The following SDK1 variants were observed in gnomAD, a reference collection of about 807,000 sequenced individuals.
The protein encoded by SDK1 is protein sidekick-1.
SDK1 carries 157 observed loss-of-function variants against 245.5 expected under a neutral mutation model. That is an observed-to-expected ratio of 0.64 (90% CI 0.56 to 0.73). The LOEUF is 0.73. Among genes scored for constraint, SDK1 ranks in the 30% least tolerant of loss-of-function variants. SDK1 has a pLI of 0.00. For synonymous variants in SDK1, 1,647 were observed against 1,278.5 expected (o/e 1.29, Z -6.15); for missense variants, 3,583 against 3,002.3 (o/e 1.19, Z -4.52).
At chr7:3,469,537 A>C (rs1442889121) in intron 1 of SDK1, among the ~76,000 whole-genome samples, 2 of 152,192 alleles carry the variant, frequency 1.3e-5, no homozygotes, top group Non-Finnish European at 2.9e-5. Context: ...AGCTTGTCTA[A>C]ATTGTGACTT....
In SDK1 at chr7:3,500,481, T is replaced by C. The variant is rs185701876; in HGVS notation, c.299-118599T>C. Among the ~76,000 whole-genome samples, 372 of 152,376 alleles carry C rather than the reference T, an allele frequency of 2.4e-3. 3 individuals are homozygous for C. The highest frequency in any genetic ancestry group is 0.018 in the South Asian group (87 of 4,830). Reference sequence around the variant, plus strand: ...TTGAAAGTATTGCTCCATTGACTTCTTGCTTCCAGTGTTGCTGTTGAGAAG... The same window carrying C: ...TTGAAAGTATTGCTCCATTGACTTCCTGCTTCCAGTGTTGCTGTTGAGAAG... On this transcript the variant is annotated intron_variant, in intron 1 of 44. Transcript: ENST00000404826.
chr7:3,649,957 C>T (rs565034197), intron 4 of SDK1, among the ~76,000 whole-genome samples: 2 of 149,364 alleles, frequency 1.3e-5, no homozygotes, highest in Admixed American at 6.7e-5. Context: ...GGGAAGGAAT[C>T]GATTTTATTC....
At chr7:4,056,452 G>A (rs113773710) in intron 19 of SDK1, among the ~76,000 whole-genome samples, 5 of 152,090 alleles carry the variant, frequency 3.3e-5, no homozygotes, top group Non-Finnish European at 5.9e-5. Context: ...GAGAGAAGCT[G>A]GAATTCAATA....
chr7:3,359,250 A>G (rs1183447062), intron 1 of SDK1, among the ~76,000 whole-genome samples: 2 of 152,162 alleles, frequency 1.3e-5, no homozygotes, highest in East Asian at 3.9e-4. Flanking sequence ...AGAATGCAGC[A>G]CACACAGGGA....
At chr7:3,797,208 C>T (rs1464351261) in intron 4 of SDK1, among the ~76,000 whole-genome samples, 2 of 151,916 alleles carry the variant, frequency 1.3e-5, no homozygotes, top group African/African-American at 4.8e-5. Context: ...GTCTCTAACC[C>T]CTAGCTCCAA....
intron 4 of SDK1, among the ~76,000 whole-genome samples, chr7:3,756,487 A>C (rs1779936735): frequency 6.6e-6 from 1 of 151,924 alleles, no homozygotes; most frequent in Admixed American, 6.6e-5. Flanking sequence ...GACTCCTTTC[A>C]CATGGCATTG....
chr7:3,686,971 G>T (rs1210414231), intron 4 of SDK1, among the ~76,000 whole-genome samples: 1 of 151,610 alleles, frequency 6.6e-6, no homozygotes, highest in Non-Finnish European at 1.5e-5. Flanking sequence ...GTTGGGATGG[G>T]AACTTCAACT....
chr7:3,760,975 A>T (rs1780080502), intron 4 of SDK1, among the ~76,000 whole-genome samples: 1 of 152,138 alleles, frequency 6.6e-6, no homozygotes, highest in African/African-American at 2.4e-5. Flanking sequence ...GGTTGTTGGG[A>T]TGGTTATGAA....
chr7:3,699,142 G>C (rs867314260), intron 4 of SDK1, among the ~76,000 whole-genome samples: 1 of 152,122 alleles, frequency 6.6e-6, no homozygotes, highest in Non-Finnish European at 1.5e-5. Flanking sequence ...TGTCAGAAGA[G>C]GCCTGATAAA....
At chr7:3,902,289 T>A (rs2128105738) in intron 5 of SDK1, among the ~76,000 whole-genome samples, 1 of 152,284 alleles carries the variant, frequency 6.6e-6, no homozygotes, top group East Asian at 1.9e-4. Context: ...CTCCTCCCAT[T>A]CCATGTTTGT....
At chr7:3,938,311 A>G (rs970601298) in intron 5 of SDK1, among the ~76,000 whole-genome samples, 6 of 151,992 alleles carry the variant, frequency 3.9e-5, no homozygotes, top group African/African-American at 1.2e-4. Flanking sequence ...TGGTTCTTCT[A>G]TTCAGTGGGA....
intron 1 of SDK1, among the ~76,000 whole-genome samples, chr7:3,378,130 T>A (rs1781399297): frequency 6.6e-6 from 1 of 152,196 alleles, no homozygotes; most frequent in South Asian, 2.1e-4. Flanking sequence ...TGCCTGTATT[T>A]GTTGGCTCTG....
intron 1 of SDK1, among the ~76,000 whole-genome samples, chr7:3,575,519 C>T (rs540888671): frequency 1.2e-4 from 18 of 151,958 alleles, no homozygotes; most frequent in African/African-American, 2.4e-4. Context: ...TTAACATTTT[C>T]GGGTTGGGGT....
At chr7:3,855,602 G>A (rs1391058532) in intron 5 of SDK1, among the ~76,000 whole-genome samples, 42 of 152,208 alleles carry the variant, frequency 2.8e-4, no homozygotes, top group Non-Finnish European at 1.8e-4. Context: ...AGAGCCAGCA[G>A]TGCCAATATT....
rs74746174 is a variant in SDK1 at position 4,026,785 on chromosome 7, G to A, written c.2602+9433G>A. 6.6e-6 allele frequency among the ~76,000 whole-genome samples: 1 copy of A among 152,102 alleles called. No homozygotes were observed. Among genetic ancestry groups the A allele is most frequent in the Admixed American group, 6.5e-5 (1 of 15,270 alleles). The stretch of plus-strand genomic sequence containing the variant: ...ATAACAACGCGAGAACTCAGCCGTG[G>A]CCCATAACAATCTGGAATTAACGAT... On this transcript the variant is annotated intron_variant, in intron 17 of 44. Transcript: ENST00000404826. This position sits in a 1 kb window ranked among gnomAD's most constrained non-coding sequence, Gnocchi z 4.1.
At chr7:4,248,299 TATACATAC>T (rs1787040220) in intron 44 of SDK1, among the ~76,000 whole-genome samples, 1 of 151,288 alleles carries the variant, frequency 6.6e-6, no homozygotes, top group Non-Finnish European at 1.5e-5. Context: ...CACACATATC[TATACATAC>T]ACACATGCAC....
chr7:4,134,443 C>A (rs1403876955), intron 28 of SDK1, among the ~76,000 whole-genome samples: 1 of 152,176 alleles, frequency 6.6e-6, no homozygotes, highest in African/African-American at 2.4e-5. Flanking sequence ...ACAGCTGTGG[C>A]GAGGAGATTT....
chr7:3,907,766 A>C (rs1779005193), intron 5 of SDK1, among the ~76,000 whole-genome samples: 1 of 152,220 alleles, frequency 6.6e-6, no homozygotes, highest in Non-Finnish European at 1.5e-5. Flanking sequence ...TCATCTGTTT[A>C]GGTTAACATA....
intron 1 of SDK1, among the ~76,000 whole-genome samples, chr7:3,526,390 T>C (rs1205849418): frequency 6.6e-6 from 1 of 152,208 alleles, no homozygotes; most frequent in Non-Finnish European, 1.5e-5. Context: ...TTGAAGTCAG[T>C]TCTTTGTCTA....
Sources: allele counts gnomAD v4.1 joint callset (sites outside exome capture counted in the v4.1 genomes callset), GRCh38; gene constraint gnomAD v4.1.1; non-coding constraint Gnocchi (gnomAD v3.1); transcripts MANE v1.5; gene names NCBI Gene and HGNC (gene_info 2026-07-23, HGNC 2026-07-21).